Variants in KLHL1 observed in about 807,000 individuals in gnomAD.
KLHL1 encodes kelch like family member 1.
In KLHL1, 47 loss-of-function variants were observed where a neutral mutation model predicts 77.7. The observed-to-expected ratio is 0.60, with a 90% CI of 0.48 to 0.77. KLHL1 has a LOEUF of 0.77. Ranked by LOEUF, KLHL1 falls within the 30% of genes least tolerant of loss-of-function variation. KLHL1 has a pLI of 0.00. For missense variants in KLHL1, 925 were observed against 910.8 expected (o/e 1.02, Z -0.20); for synonymous variants, 360 against 325.2 (o/e 1.11, Z -1.15).
intron 1 of KLHL1, among the ~76,000 whole-genome samples, chr13:69,984,828 G>C (rs947878786): frequency 6.6e-6 from 1 of 152,108 alleles, no homozygotes; most frequent in Admixed American, 6.6e-5. Flanking sequence ...TTCTGTGCAG[G>C]CTGGGCGTGG....
chr13:69,993,908 C>A (rs1233154095), intron 1 of KLHL1, among the ~76,000 whole-genome samples: 2 of 151,984 alleles, frequency 1.3e-5, no homozygotes, highest in Admixed American at 1.3e-4. Flanking sequence ...ATAGAGATCA[C>A]ATTTATTCAA....
At position 69,734,662 on chromosome 13, in the gene KLHL1, A is replaced by G. The variant is rs141944006; in HGVS notation, c.1802+5732T>C. Among the ~76,000 whole-genome samples the G allele has an allele frequency of 1.8e-4, 27 of 152,280 alleles. No individual in the cohort carries two copies. In the East Asian group the frequency reaches 3.9e-3, roughly 22 times the overall value. On this transcript the variant is annotated intron_variant, in intron 8 of 10. Coordinates refer to ENST00000377844, the MANE Select transcript of KLHL1 (RefSeq NM_020866.3). ...AATTAGTGATAATACTAACAGAGAA[A>G]AATAACAAATTAGGACAATCACAAT...
chr13:69,852,863 G>A (rs1593888395), intron 5 of KLHL1, among the ~76,000 whole-genome samples: 1 of 151,944 alleles, frequency 6.6e-6, no homozygotes, highest in East Asian at 1.9e-4. Flanking sequence ...AAAAACTTCA[G>A]GAATAAATGA....
chr13:69,759,048 A>G (rs1246952006), intron 7 of KLHL1, among the ~76,000 whole-genome samples: 1 of 152,148 alleles, frequency 6.6e-6, no homozygotes. Flanking sequence ...GTCTATGTCC[A>G]GAATTTACAT....
chr13:69,983,129 T>C (rs761687235), intron 1 of KLHL1, among the ~76,000 whole-genome samples: 1 of 152,022 alleles, frequency 6.6e-6, no homozygotes, highest in African/African-American at 2.4e-5. Flanking sequence ...ACCCTAAATA[T>C]AAAGATAGTA....
At chr13:69,880,450 A>G (rs1338678408) in intron 5 of KLHL1, among the ~76,000 whole-genome samples, 1 of 152,162 alleles carries the variant, frequency 6.6e-6, no homozygotes, top group Non-Finnish European at 1.5e-5. Flanking sequence ...GAGAATAGAC[A>G]TATGCTACAT....
At chr13:70,038,382 G>A (rs1886288970) in intron 1 of KLHL1, among the ~76,000 whole-genome samples, 1 of 152,102 alleles carries the variant, frequency 6.6e-6, no homozygotes, top group Non-Finnish European at 1.5e-5. Context: ...AGGTTTTTAT[G>A]TAGACATGAG....
At chr13:69,746,059 T>G (rs1297112939) in intron 7 of KLHL1, among the ~76,000 whole-genome samples, 1 of 151,686 alleles carries the variant, frequency 6.6e-6, no homozygotes, top group African/African-American at 2.4e-5. Flanking sequence ...ATGATCACTT[T>G]GCATTTGATT....
At chr13:70,009,752 T>C (rs1201606968) in intron 1 of KLHL1, among the ~76,000 whole-genome samples, 1 of 152,194 alleles carries the variant, frequency 6.6e-6, no homozygotes, top group Non-Finnish European at 1.5e-5. Context: ...CATTCATTTG[T>C]CAAATACATG....
At chr13:69,832,747 A>G (rs1176591018) in intron 6 of KLHL1, among the ~76,000 whole-genome samples, 1 of 152,150 alleles carries the variant, frequency 6.6e-6, no homozygotes, top group African/African-American at 2.4e-5. Flanking sequence ...TGGTACTGGT[A>G]TAAAAATAGG....
chr13:69,718,049 T>C lies in KLHL1; in HGVS notation c.2015+1320A>G, dbSNP rs1463481498. On this transcript the variant is annotated intron_variant, in intron 9 of 10. Coordinates refer to ENST00000377844, the MANE Select transcript of KLHL1 (RefSeq NM_020866.3). ...AAACCATCTCTTGCCAATGGACTTA[T>C]CAGTAAAAATAATTACTCATCCTTA... Among the ~76,000 whole-genome samples the C allele has an allele frequency of 2.0e-5, 3 of 152,148 alleles. No homozygotes were observed. The South Asian group carries it at 6.2e-4, about 31-fold the overall frequency.
At chr13:70,002,457 A>T (rs1213405818) in intron 1 of KLHL1, among the ~76,000 whole-genome samples, 36 of 151,630 alleles carry the variant, frequency 2.4e-4, no homozygotes, top group Non-Finnish European at 1.5e-5. Flanking sequence ...CCTCAAAAGC[A>T]TATTGGAAAA....
intron 7 of KLHL1, among the ~76,000 whole-genome samples, chr13:69,777,672 T>C (rs2137995159): frequency 6.6e-6 from 1 of 152,310 alleles, no homozygotes; most frequent in East Asian, 1.9e-4. Flanking sequence ...CTAACTATTC[T>C]TCACAGTTCA....
At chr13:69,861,959 C>T (rs1418837957) in intron 5 of KLHL1, among the ~76,000 whole-genome samples, 3 of 119,878 alleles carry the variant, frequency 2.5e-5, no homozygotes, top group African/African-American at 9.4e-5. Flanking sequence ...GAGCGAAACT[C>T]CGTCTCAAAA....
Position 69,838,104 on chromosome 13 carries a change from A to G in KLHL1, c.1414+872T>C, listed in dbSNP as rs1470235959. ...GAATGTGTCATTCTCTATTGATTAC[A>G]TCAGTTTTTTTCCCTGCAGCTACAA... On this transcript the variant is annotated intron_variant, in intron 6 of 10. Coordinates refer to ENST00000377844, the MANE Select transcript of KLHL1 (RefSeq NM_020866.3). Among the ~76,000 whole-genome samples the G allele has an allele frequency of 2.0e-5, 3 of 151,286 alleles. No homozygotes were observed. The East Asian group carries it at 5.8e-4, about 29-fold the overall frequency.
At chr13:69,782,914 T>C (rs1402031695) in intron 7 of KLHL1, among the ~76,000 whole-genome samples, 1 of 152,110 alleles carries the variant, frequency 6.6e-6, no homozygotes, top group African/African-American at 2.4e-5. Context: ...CACCCCCAAG[T>C]AGGGGCAGAC....
chr13:69,950,434 T>C (rs1233148658), intron 3 of KLHL1, among the ~76,000 whole-genome samples: 1 of 151,644 alleles, frequency 6.6e-6, no homozygotes, highest in Non-Finnish European at 1.5e-5. Flanking sequence ...ACATGTCTTA[T>C]CTTCAAATTT....
chr13:70,025,461 T>C (rs887922739), intron 1 of KLHL1, among the ~76,000 whole-genome samples: 1 of 152,006 alleles, frequency 6.6e-6, no homozygotes, highest in African/African-American at 2.4e-5. Flanking sequence ...TTTATGCACT[T>C]TTCCTAGTGT....
At chr13:69,881,115 T>C (rs961606259) in intron 5 of KLHL1, among the ~76,000 whole-genome samples, 4 of 152,182 alleles carry the variant, frequency 2.6e-5, no homozygotes, top group African/African-American at 9.7e-5. Context: ...GAGCCTGTTG[T>C]TATGATGTGC....
Sources: gnomAD v4.1 joint callset for allele counts (sites outside exome capture counted in the v4.1 genomes callset) on GRCh38, gnomAD v4.1.1 for gene constraint, MANE v1.5 for transcripts, NCBI Gene and HGNC (gene_info 2026-07-23, HGNC 2026-07-21) for gene names.